ANO5: variants seen among roughly 807,000 people sequenced by gnomAD.
ANO5 encodes anoctamin 5.
Under a neutral mutation model 121.0 loss-of-function variants are expected in ANO5, and 109 were observed. That is an observed-to-expected ratio of 0.90 (90% CI 0.77 to 1.06). ANO5 has a LOEUF of 1.06. Ranked by LOEUF, ANO5 falls within the 50% of genes least tolerant of loss-of-function variation. The pLI is 0.00. For synonymous variants in ANO5, 406 were observed against 359.9 expected, an observed-to-expected ratio of 1.13 and a Z score of -1.45; for missense variants, 1,064 against 1,078.5, an observed-to-expected ratio of 0.99 and a Z score of 0.19.
intron 6 of ANO5, among the ~76,000 whole-genome samples, chr11:22,226,308 C>G (rs965110447): frequency 6.6e-6 from 1 of 152,056 alleles, no homozygotes; most frequent in Non-Finnish European, 1.5e-5. Context: ...AAGATGTGGA[C>G]TTTTTATCAT....
chr11:22,269,152 G>C (rs1043348370), intron 17 of ANO5, among the ~76,000 whole-genome samples: 3 of 148,558 alleles, frequency 2.0e-5, no homozygotes, highest in African/African-American at 7.5e-5. Flanking sequence ...AGAAAGGAAA[G>C]GAAAGGGAAG....
intron 10 of ANO5, 105 bp from the exon 11 acceptor site, chr11:22,250,636 C>CTGT: frequency 8.3e-7 from 1 of 1,210,302 alleles, no homozygotes; most frequent in Non-Finnish European, 1.2e-6. Flanking sequence ...ATTGCCCCTT[C>CTGT]TGTTATATGT....
chr11:22,199,221 A>G (rs1851893261), intron 1 of ANO5, among the ~76,000 whole-genome samples: 1 of 152,194 alleles, frequency 6.6e-6, no homozygotes, highest in Non-Finnish European at 1.5e-5. Context: ...TTTGAAGCTT[A>G]ACAGTAGAAT....
rs77546698 is a variant in ANO5 at position 22,211,480 on chromosome 11, G to A, written c.138+166G>A. Reference sequence around the variant, plus strand: ...AAAAAAAAATCAGTTTCTTTAGGTGGGGGGAAAACACATCAGACATATCAG... The same window carrying A: ...AAAAAAAAATCAGTTTCTTTAGGTGAGGGGAAAACACATCAGACATATCAG... On this transcript the variant is annotated intron_variant, in intron 3 of 21. Transcript: ENST00000324559. 0.047 allele frequency among the ~76,000 whole-genome samples: 7,177 copies of A among 151,878 alleles called. 560 individuals are homozygous for A. The highest frequency in any genetic ancestry group is 0.16 in the African/African-American group (6,745 of 41,428).
At chr11:22,246,856 CAAA>C (rs10565920) in intron 9 of ANO5, among the ~76,000 whole-genome samples, 9,250 of 61,990 alleles carry the variant, frequency 0.15, 846 homozygotes, top group African/African-American at 0.42. Context: ...GACCCTGTTT[CAAA>C]AAAAAAAAAA....
intron 9 of ANO5, among the ~76,000 whole-genome samples, chr11:22,243,540 A>G (rs561891883): frequency 2.0e-5 from 3 of 151,966 alleles, no homozygotes; most frequent in Non-Finnish European, 4.4e-5. Context: ...GTGTGAATTC[A>G]TCTGGTCTAG....
chr11:22,255,664 TATACATACATGTATATAA>T, intron 13 of ANO5, 142 bp downstream of exon 13: 7 of 899,252 alleles, frequency 7.8e-6, no homozygotes, highest in Non-Finnish European at 1.2e-5. Context: ...TTGTTTCTAA[TATACATACATGTATATAA>T]ATGTATATAT....
intron 7 of ANO5, among the ~76,000 whole-genome samples, chr11:22,230,892 C>G (rs974523204): frequency 5.9e-5 from 9 of 151,958 alleles, no homozygotes; most frequent in African/African-American, 1.7e-4. Context: ...CTATCTCCAC[C>G]TTCACTATTA....
At chr11:22,239,769 A>G in intron 9 of ANO5, 85 bp downstream of exon 9, 3 of 1,026,164 alleles carry the variant, frequency 2.9e-6, no homozygotes, top group Middle Eastern at 2.3e-4. Context: ...TTTTACTACT[A>G]TTTTCTCCCA....
At chr11:22,251,314 T>C (rs1408032836) in intron 12 of ANO5, among the ~76,000 whole-genome samples, 1 of 152,214 alleles carries the variant, frequency 6.6e-6, no homozygotes, top group Admixed American at 6.5e-5. Context: ...AAATACTTCA[T>C]TCAGGAGAGA....
In ANO5 at chr11:22,279,547, G is replaced by A. The variant is rs922612820; in HGVS notation, c.2524G>A (p.Val842Ile). The stretch of plus-strand genomic sequence containing the variant: ...CTTTCCTTTATATTTCCTCTAGCAT[G>A]TTGTGTTTTTAGTTAAATTTTTGCT... Reference protein sequence around the residue: ...KMTFIIVMEHVVFLVKFLLAW... With the variant: ...KMTFIIVMEHIVFLVKFLLAW... The change falls in exon 22 of 22, where the codon GTT (valine) becomes ATT (isoleucine). Residue 842 changes from valine to isoleucine, a missense_variant. Physicochemically the swap from Val to Ile is conservative, Grantham distance 29. Coordinates refer to ENST00000324559, the MANE Select transcript of ANO5 (RefSeq NM_213599.3). The A allele has an allele frequency of 1.9e-6, 3 of 1,609,262 alleles. No homozygotes were observed. The highest frequency in any genetic ancestry group is 1.7e-6 in the Non-Finnish European group (2 of 1,176,506).
chr11:22,277,936 G>A (rs1854927859), intron 21 of ANO5: 1 of 150,554 alleles, frequency 6.6e-6, no homozygotes, highest in Middle Eastern at 3.4e-3. Context: ...AAAATTATGG[G>A]CAGTCCATTT....
At chr11:22,253,128 G>T (rs1853882055) in intron 12 of ANO5, among the ~76,000 whole-genome samples, 1 of 152,058 alleles carries the variant, frequency 6.6e-6, no homozygotes, top group Non-Finnish European at 1.5e-5. Flanking sequence ...AAAAGGTCAA[G>T]TCCTACTTAG....
chr11:22,246,791 G>A (rs972353924), intron 9 of ANO5, among the ~76,000 whole-genome samples: 15 of 147,224 alleles, frequency 1.0e-4, no homozygotes, highest in Non-Finnish European at 2.1e-4. Flanking sequence ...GGGAAACAGA[G>A]GTTGCGATGA....
At chr11:22,276,942 T>C (rs977318059) in intron 21 of ANO5, among the ~76,000 whole-genome samples, 1 of 151,412 alleles carries the variant, frequency 6.6e-6, no homozygotes, top group African/African-American at 2.4e-5. Context: ...GTTATCAAGG[T>C]TTCACATGTA....
At chr11:22,263,202 G>A (rs1244826914) in intron 17 of ANO5, among the ~76,000 whole-genome samples, 159 bp downstream of exon 17, 1 of 152,044 alleles carries the variant, frequency 6.6e-6, no homozygotes, top group Non-Finnish European at 1.5e-5. Context: ...TTGCATTAAA[G>A]TAATATAAAC....
At chr11:22,262,083 GA>G (rs1201443118) in intron 15 of ANO5, 45 bp from the exon 16 acceptor site, 13 of 1,596,584 alleles carry the variant, frequency 8.1e-6, no homozygotes, top group Admixed American at 3.3e-5. Flanking sequence ...GAAGTTCAAG[GA>G]AAAAAATAAG....
intron 5 of ANO5, 61 bp downstream of exon 5, chr11:22,221,271 G>A: frequency 1.5e-6 from 2 of 1,321,800 alleles, no homozygotes; most frequent in Non-Finnish European, 2.1e-6. Context: ...AATTTCACAT[G>A]GATATCTGGA....
rs398124625 is a variant in ANO5 at position 22,203,803 on chromosome 11, G to T, written c.41-1G>T. 6.8e-7 allele frequency: 1 copy of T among 1,463,754 alleles called. No homozygotes were observed. The highest frequency in any genetic ancestry group is 9.5e-7 in the Non-Finnish European group (1 of 1,050,264). 90.7% of individuals were successfully genotyped at this position (1,463,754 alleles called of 1,614,324 possible). ...GTTTTTCTCTTTCTTATTTAATTTAGGGGAAAAAGTCAATAAGCATATAGA... is the reference window on the plus strand; with the variant it reads ...GTTTTTCTCTTTCTTATTTAATTTATGGGAAAAAGTCAATAAGCATATAGA... On this transcript the variant is annotated splice_acceptor_variant, in intron 1 of 21. Transcript: ENST00000324559. LOFTEE classifies it high-confidence loss of function.
Sources: gnomAD v4.1 joint callset for allele counts (sites outside exome capture counted in the v4.1 genomes callset) on GRCh38, gnomAD v4.1.1 for gene constraint, MANE v1.5 for transcripts, NCBI Gene and HGNC (gene_info 2026-07-23, HGNC 2026-07-21) for gene names.